The following CLSTN2 variants were observed in gnomAD, a reference collection of about 807,000 sequenced individuals.
The protein encoded by CLSTN2 is calsyntenin-2.
Under a neutral mutation model 101.2 loss-of-function variants are expected in CLSTN2, and 48 were observed. The observed-to-expected ratio is 0.47, with a 90% CI of 0.38 to 0.60. The LOEUF (loss-of-function observed/expected upper bound fraction) is 0.60, where lower values mean the gene tolerates loss of function less well. CLSTN2 is among the 20% of genes least tolerant of loss of function. The pLI is 0.00. For synonymous variants in CLSTN2, 481 were observed against 463.6 expected (o/e 1.04, Z -0.48); for missense variants, 1,160 against 1,238.2 (o/e 0.94, Z 0.95).
intron 1 of CLSTN2, among the ~76,000 whole-genome samples, chr3:140,111,935 G>A (rs1458139232): frequency 1.3e-5 from 2 of 152,084 alleles, no homozygotes; most frequent in African/African-American, 4.8e-5. Flanking sequence ...ACTTACCCAC[G>A]ACCACACAGC....
At chr3:140,364,688 G>T (rs372780519) in intron 2 of CLSTN2, among the ~76,000 whole-genome samples, 3 of 152,218 alleles carry the variant, frequency 2.0e-5, no homozygotes, top group Non-Finnish European at 4.4e-5. Flanking sequence ...GGGAGGGCCA[G>T]TATAGAAGCA....
rs182620302 is a variant in CLSTN2 at position 140,324,481 on chromosome 3, G to A, written c.233-79148G>A. 5.6e-3 allele frequency among the ~76,000 whole-genome samples: 858 copies of A among 152,250 alleles called. 4 individuals carry two copies. The highest frequency in any genetic ancestry group is 8.8e-3 in the Non-Finnish European group (601 of 68,010). On this transcript the variant is annotated intron_variant, in intron 2 of 16. Coordinates refer to ENST00000458420, the MANE Select transcript of CLSTN2 (RefSeq NM_022131.3). ...AAATATATGTAGAAAATAAAATTATGTATAGGGAAAAAGAATCTGCTATCA... is the reference window on the plus strand; with the variant it reads ...AAATATATGTAGAAAATAAAATTATATATAGGGAAAAAGAATCTGCTATCA...
chr3:140,305,755 T>A (rs554768626), intron 2 of CLSTN2, among the ~76,000 whole-genome samples: 1 of 152,092 alleles, frequency 6.6e-6, no homozygotes, highest in African/African-American at 2.4e-5. Context: ...ATACGCCCAA[T>A]ATTTTGTTAA....
intron 16 of CLSTN2, 78 bp from the exon 17 acceptor site, chr3:140,565,975 T>C: frequency 6.3e-7 from 1 of 1,575,650 alleles, no homozygotes; most frequent in Non-Finnish European, 8.7e-7. Flanking sequence ...GTTTCCTTAA[T>C]GGATGGAGAG....
intron 1 of CLSTN2, among the ~76,000 whole-genome samples, chr3:139,977,088 C>A (rs1177659842): frequency 6.6e-6 from 1 of 152,152 alleles, no homozygotes; most frequent in African/African-American, 2.4e-5. Context: ...AACTCTCTAT[C>A]CTGCCTGCCA....
chr3:140,563,254 T>A (rs367945050), intron 15 of CLSTN2, 51 bp downstream of exon 15: 3 of 1,585,984 alleles, frequency 1.9e-6, no homozygotes. Flanking sequence ...TCATTGTGAC[T>A]CAAGATTATC....
At chr3:140,026,117 G>A (rs184812999) in intron 1 of CLSTN2, among the ~76,000 whole-genome samples, 1 of 152,244 alleles carries the variant, frequency 6.6e-6, no homozygotes, top group Admixed American at 6.5e-5. Context: ...ATATTGATGA[G>A]TTCTGTTTGA....
At chr3:140,186,491 A>T (rs1332327688) in intron 2 of CLSTN2, among the ~76,000 whole-genome samples, 1 of 152,212 alleles carries the variant, frequency 6.6e-6, no homozygotes, top group African/African-American at 2.4e-5. Context: ...TTTATAGTTT[A>T]TTCTGCTTGG....
At chr3:140,322,485 A>T (rs6786368) in intron 2 of CLSTN2, among the ~76,000 whole-genome samples, 70,478 of 152,098 alleles carry the variant, frequency 0.46, 17,540 homozygotes, top group Non-Finnish European at 0.57. Context: ...AATCATTTCA[A>T]GGGATTGTAG....
intron 1 of CLSTN2, among the ~76,000 whole-genome samples, chr3:140,160,307 A>G (rs2010025315): frequency 6.6e-6 from 1 of 152,176 alleles, no homozygotes; most frequent in Admixed American, 6.5e-5. Context: ...CATGACATCT[A>G]TCTTAAATTT....
At chr3:140,210,204 T>C (rs1015210510) in intron 2 of CLSTN2, among the ~76,000 whole-genome samples, 1 of 152,186 alleles carries the variant, frequency 6.6e-6, no homozygotes, top group African/African-American at 2.4e-5. Context: ...GAACTCGCTG[T>C]TTGTGTTAGG....
intron 1 of CLSTN2, among the ~76,000 whole-genome samples, chr3:140,076,897 C>T (rs1338473424): frequency 2.6e-5 from 4 of 152,138 alleles, no homozygotes; most frequent in Non-Finnish European, 5.9e-5. Flanking sequence ...TGTGTGTTCA[C>T]AGCTTTAAAC....
At chr3:140,012,322 T>C (rs573938292) in intron 1 of CLSTN2, among the ~76,000 whole-genome samples, 2 of 152,218 alleles carry the variant, frequency 1.3e-5, no homozygotes, top group Non-Finnish European at 2.9e-5. Flanking sequence ...AGAATATTAC[T>C]ATGTGTATCA....
intron 1 of CLSTN2, among the ~76,000 whole-genome samples, chr3:139,949,418 C>T (rs1169678199): frequency 6.6e-6 from 1 of 152,150 alleles, no homozygotes; most frequent in Non-Finnish European, 1.5e-5. Context: ...AGTACACACA[C>T]ATAAGGGCTG....
chr3:140,517,983 G>A (rs1018819283), intron 8 of CLSTN2, among the ~76,000 whole-genome samples: 1 of 152,122 alleles, frequency 6.6e-6, no homozygotes, highest in Non-Finnish European at 1.5e-5. Context: ...GACTCTCCGT[G>A]GATGCGGCTT....
intron 2 of CLSTN2, among the ~76,000 whole-genome samples, chr3:140,306,783 C>T (rs1298085216): frequency 6.6e-6 from 1 of 152,032 alleles, no homozygotes; most frequent in East Asian, 1.9e-4. Context: ...TGGTTTTCTA[C>T]TTACCAAAGG....
At position 140,049,460 on chromosome 3, in the gene CLSTN2, T is replaced by G. The variant is rs544672468; in HGVS notation, c.109+113977T>G. On this transcript the variant is annotated intron_variant, in intron 1 of 16. Transcript: ENST00000458420. ...CAGAACCAGCCATTTATTAAATGCTTATTAGGGACTACACATTTTACCCAG... is the reference window on the plus strand; with the variant it reads ...CAGAACCAGCCATTTATTAAATGCTGATTAGGGACTACACATTTTACCCAG... Among the ~76,000 whole-genome samples, 17 of 152,290 alleles carry G rather than the reference T, an allele frequency of 1.1e-4. No individual in the cohort carries two copies. In the South Asian group the frequency reaches 3.3e-3, roughly 30 times the overall value.
chr3:140,081,043 C>G (rs543539089), intron 1 of CLSTN2, among the ~76,000 whole-genome samples: 1 of 152,104 alleles, frequency 6.6e-6, no homozygotes, highest in Non-Finnish European at 1.5e-5. Flanking sequence ...GATGTGACAC[C>G]GATGCTATGT....
intron 1 of CLSTN2, among the ~76,000 whole-genome samples, chr3:140,010,180 C>G (rs1163455403): frequency 6.6e-6 from 1 of 152,198 alleles, no homozygotes; most frequent in Non-Finnish European, 1.5e-5. Flanking sequence ...ATAAAAGTAA[C>G]TGTTTGCGGT....
Sources: allele counts gnomAD v4.1 joint callset (sites outside exome capture counted in the v4.1 genomes callset), GRCh38; gene constraint gnomAD v4.1.1; transcripts MANE v1.5; gene names NCBI Gene and HGNC (gene_info 2026-07-23, HGNC 2026-07-21).